The following PTGDS variants were observed in gnomAD, a reference collection of about 807,000 sequenced individuals.
PTGDS encodes the protein prostaglandin-H2 D-isomerase.
In PTGDS, 21 loss-of-function variants were observed where a neutral mutation model predicts 28.4. The ratio of observed to expected loss-of-function variants is 0.74; its 90% CI spans 0.52 to 1.07. The LOEUF is 1.07. PTGDS is among the 50% of genes least tolerant of loss of function. PTGDS has a pLI of 0.00. For synonymous variants in PTGDS, 102 were observed against 106.0 expected (o/e 0.96, Z 0.23); for missense variants, 243 against 247.7 (o/e 0.98, Z 0.13).
intron 1 of PTGDS, among the ~76,000 whole-genome samples, chr9:136,978,361 G>T (rs1311742815): frequency 6.6e-6 from 1 of 151,716 alleles, no homozygotes; most frequent in African/African-American, 2.4e-5. Context: ...CGGCGTGCGA[G>T]GGTGAGGGAC....
chr9:136,977,809 T>G lies in PTGDS; in HGVS notation c.114+117T>G, dbSNP rs138748301. The G allele has an allele frequency of 1.2e-5, 12 of 1,009,202 alleles. No homozygotes were observed. In the African/African-American group the frequency reaches 2.0e-4, roughly 17 times the overall value. The allele number at this position is 1,009,202 out of a possible 1,614,324, so 62.5% of individuals were successfully genotyped here. ...AGCGAAGTCCCGCAGTGCCGGGCAG[T>G]GCCGGCCAGGGACTGAGCGGGCGCG... On this transcript the variant is annotated intron_variant, in intron 1 of 6. Transcript: ENST00000371625.
chr9:136,980,479 G>A, intron 5 of PTGDS, among the ~76,000 whole-genome samples, 195 bp downstream of exon 5: 1 of 152,220 alleles, frequency 6.6e-6, no homozygotes, highest in East Asian at 1.9e-4. Context: ...CTCCATGGGG[G>A]ACATGGAGAC....
chr9:136,977,804 G>A, intron 1 of PTGDS, 112 bp downstream of exon 1: 1 of 1,033,316 alleles, frequency 9.7e-7, no homozygotes, highest in Non-Finnish European at 1.4e-6. Context: ...CGCAGTGCCG[G>A]GCAGTGCCGG....
Position 136,979,019 on chromosome 9 carries a change from C to A in PTGDS, c.141C>A (p.Gly47=). Residue 47 remains glycine, a synonymous_variant, in exon 2 of 7, where the codon GGC becomes GGA. Coordinates refer to ENST00000371625, the MANE Select transcript of PTGDS (RefSeq NM_000954.6). The part of the protein sequence containing the change: ...DKFLGRWFSA[G]LASNSSWLRE... ...TCCTGGGGCGCTGGTTCAGCGCGGG[C>A]CTCGCCTCCAACTCGAGCTGGCTCC... The A allele has an allele frequency of 6.2e-7, 1 of 1,608,788 alleles. No individual in the cohort carries two copies. Among genetic ancestry groups the A allele is most frequent in the Non-Finnish European group, 8.5e-7 (1 of 1,178,078 alleles).
At chr9:136,980,728 C>T in intron 5 of PTGDS, 105 bp from the exon 6 acceptor site, 2 of 1,612,742 alleles carry the variant, frequency 1.2e-6, no homozygotes, top group Admixed American at 3.3e-5. Context: ...AGTTTGGGGG[C>T]TCAGTCAAGA....
At chr9:136,977,770 C>T in intron 1 of PTGDS, 78 bp downstream of exon 1, 1 of 1,310,660 alleles carries the variant, frequency 7.6e-7, no homozygotes, top group Non-Finnish European at 1.0e-6. Flanking sequence ...TGGGTCTTCC[C>T]CCTGGGAGGA....
rs1166871792 is a variant in PTGDS, at chr9:136,980,605, G to A, written c.551-228G>A. ...GATACAGGGGAACCAACCATACTGG[G>A]CTCAGGCACAGCCTCCTAGGGGTGG... On this transcript the variant is annotated intron_variant, in intron 5 of 6. Coordinates refer to ENST00000371625, the MANE Select transcript of PTGDS (RefSeq NM_000954.6). 11 of 1,474,190 alleles carry A rather than the reference G, an allele frequency of 7.5e-6. No homozygotes were observed. In the African/African-American group the frequency reaches 1.3e-4, roughly 17 times the overall value. The allele number at this position is 1,474,190 out of a possible 1,614,324, so 91.3% of individuals were successfully genotyped here. A position where few individuals can be genotyped will look rare whatever the true frequency, so the allele number is the denominator to read the frequency against.
intron 3 of PTGDS, 56 bp from the exon 4 acceptor site, chr9:136,979,889 GC>G: frequency 6.6e-7 from 1 of 1,508,484 alleles, no homozygotes; most frequent in Non-Finnish European, 9.2e-7. Flanking sequence ...CTTCCCTGAA[GC>G]AGAGGTGAGG....
chr9:136,978,907 G>C (rs769301332), intron 1 of PTGDS, 86 bp from the exon 2 acceptor site: 10 of 1,550,152 alleles, frequency 6.5e-6, no homozygotes, highest in Non-Finnish European at 1.7e-6. Context: ...GAGACCGGAG[G>C]AGTAGACGGC....
chr9:136,977,800 G>T, intron 1 of PTGDS, 108 bp downstream of exon 1: 1 of 1,032,692 alleles, frequency 9.7e-7, no homozygotes, highest in Non-Finnish European at 1.4e-6. Flanking sequence ...GTCCCGCAGT[G>T]CCGGGCAGTG....
chr9:136,981,364 T>G lies in PTGDS; in HGVS notation c.*1-215T>G, dbSNP rs555460451. 2.6e-5 allele frequency among the ~76,000 whole-genome samples: 4 copies of G among 151,548 alleles called. No homozygotes were observed. The East Asian group carries it at 7.8e-4, about 29-fold the overall frequency. The stretch of plus-strand genomic sequence containing the variant: ...AGGGAGGCCTAGGCTGGAGCTGGAG[T>G]CTGTGGACCCTGGGGCTGGGAAGGG... On this transcript the variant is annotated intron_variant, in intron 6 of 6. Transcript: ENST00000371625.
intron 6 of PTGDS, chr9:136,981,149 G>A (rs1308297048): frequency 1.0e-5 from 5 of 481,824 alleles, no homozygotes; most frequent in Non-Finnish European, 1.8e-5. Flanking sequence ...GGCAGACAAG[G>A]CCAAGGGGCT....
intron 1 of PTGDS, 63 bp from the exon 2 acceptor site, chr9:136,978,930 G>A (rs752118697): frequency 1.3e-6 from 2 of 1,581,994 alleles, no homozygotes; most frequent in African/African-American, 1.3e-5. Flanking sequence ...AGGCGCCCCC[G>A]CAGGTAGGCG....
intron 6 of PTGDS, 38 bp downstream of exon 6, chr9:136,980,893 T>TTCAC: frequency 6.3e-7 from 1 of 1,580,250 alleles, no homozygotes; most frequent in Non-Finnish European, 8.6e-7. Context: ...CATTCATTCA[T>TTCAC]TCATTCATTC....
chr9:136,980,151 C>A, intron 4 of PTGDS, 32 bp from the exon 5 acceptor site: 1 of 1,611,882 alleles, frequency 6.2e-7, no homozygotes, highest in South Asian at 1.1e-5. Flanking sequence ...ATCCCCCCCG[C>A]TGAGGCCAGC....
chr9:136,978,171 G>A (rs896542087), intron 1 of PTGDS, among the ~76,000 whole-genome samples: 15 of 152,110 alleles, frequency 9.9e-5, no homozygotes, highest in Non-Finnish European at 1.8e-4. Flanking sequence ...GCGGGTCCCC[G>A]CGCCGCGCGC....
intron 5 of PTGDS, among the ~76,000 whole-genome samples, chr9:136,980,490 C>T (rs1433299531): frequency 6.6e-6 from 1 of 152,190 alleles, no homozygotes; most frequent in African/African-American, 2.4e-5. Context: ...ACATGGAGAC[C>T]AGGCGCCCAC....
At chr9:136,978,869 G>T in intron 1 of PTGDS, 124 bp from the exon 2 acceptor site, 1 of 1,395,778 alleles carries the variant, frequency 7.2e-7, no homozygotes, top group South Asian at 1.3e-5. Flanking sequence ...CTGCTCGGGG[G>T]ATTGGGCGTG....
At chr9:136,977,958 G>T (rs975814266) in intron 1 of PTGDS, among the ~76,000 whole-genome samples, 8 of 152,198 alleles carry the variant, frequency 5.3e-5, no homozygotes, top group African/African-American at 1.9e-4. Flanking sequence ...ACGCCAGCCA[G>T]ACACGTCCAC....
Sources: gnomAD v4.1 joint callset for allele counts (sites outside exome capture counted in the v4.1 genomes callset) on GRCh38, gnomAD v4.1.1 for gene constraint, MANE v1.5 for transcripts, NCBI Gene and HGNC (gene_info 2026-07-23, HGNC 2026-07-21) for gene names.